The following SRD5A1 variants were observed in gnomAD, a reference collection of about 807,000 sequenced individuals.
The protein encoded by SRD5A1 is steroid 5 alpha-reductase 1.
Under a neutral mutation model 28.2 loss-of-function variants are expected in SRD5A1, and 22 were observed. That is an observed-to-expected ratio of 0.78 (90% CI 0.56 to 1.12). The LOEUF (loss-of-function observed/expected upper bound fraction) is 1.12. Ranked by LOEUF, SRD5A1 falls within the 50% of genes most tolerant of loss-of-function variation. The pLI is 0.00. For missense variants in SRD5A1, 300 were observed against 346.7 expected, an observed-to-expected ratio of 0.87 and a Z score of 1.07; for synonymous variants, 151 against 135.0, an observed-to-expected ratio of 1.12 and a Z score of -0.82.
At chr5:6,648,249 A>T (rs4702380) in intron 1 of SRD5A1, among the ~76,000 whole-genome samples, 28,776 of 150,694 alleles carry the variant, frequency 0.19, 3,265 homozygotes, top group East Asian at 0.5. Context: ...TCTGACAATT[A>T]TGTGTCTTGG....
At chr5:6,648,099 A>G (rs915242733) in intron 1 of SRD5A1, among the ~76,000 whole-genome samples, 1 of 152,200 alleles carries the variant, frequency 6.6e-6, no homozygotes, top group African/African-American at 2.4e-5. Flanking sequence ...AATGTTGAAT[A>G]TTGGCCCCCA....
chr5:6,663,635 G>A (rs1433300443), intron 4 of SRD5A1, among the ~76,000 whole-genome samples: 1 of 152,172 alleles, frequency 6.6e-6, no homozygotes, highest in Non-Finnish European at 1.5e-5. Context: ...CAAGGCCGGT[G>A]GATCACTTGA....
At chr5:6,651,737 T>C in intron 1 of SRD5A1, 105 bp from the exon 2 acceptor site, 1 of 1,065,454 alleles carries the variant, frequency 9.4e-7, no homozygotes, top group Non-Finnish European at 1.3e-6. Context: ...AGGATGACAT[T>C]TGTACAAGAA....
At chr5:6,660,834 A>G (rs974731495) in intron 3 of SRD5A1, among the ~76,000 whole-genome samples, 1 of 152,236 alleles carries the variant, frequency 6.6e-6, no homozygotes, top group Admixed American at 6.5e-5. Context: ...ACAGTTCCGC[A>G]TGGCTGGGGA....
Sources: gnomAD v4.1 joint callset for allele counts (sites outside exome capture counted in the v4.1 genomes callset) on GRCh38, gnomAD v4.1.1 for gene constraint, MANE v1.5 for transcripts, NCBI Gene and HGNC (gene_info 2026-07-23, HGNC 2026-07-21) for gene names.